SPATA6L: variants seen among roughly 807,000 people sequenced by gnomAD.
SPATA6L encodes spermatogenesis associated 6 like.
A neutral mutation model predicts 49.2 loss-of-function variants in SPATA6L; 68 were observed. That is an observed-to-expected ratio of 1.38 (90% CI 1.14 to 1.69). The LOEUF (loss-of-function observed/expected upper bound fraction) is 1.69. SPATA6L is among the 40% of genes most tolerant of loss of function. The pLI is 0.00. For synonymous variants in SPATA6L, 198 were observed against 165.7 expected, an observed-to-expected ratio of 1.19 and a Z score of -1.50; for missense variants, 668 against 464.3, an observed-to-expected ratio of 1.44 and a Z score of -4.03.
chr9:4,657,899 G>C (rs1457784952), intron 2 of SPATA6L, among the ~76,000 whole-genome samples: 1 of 152,054 alleles, frequency 6.6e-6, no homozygotes, highest in Admixed American at 6.6e-5. Flanking sequence ...GCTTCAGTTT[G>C]CTTACCTAGG....
chr9:4,629,765 G>GTATATATA lies in SPATA6L; in HGVS notation c.352-598_352-597insTATATATA, dbSNP rs1451733833. Reference sequence around the variant, plus strand: ...TATTGTGTTTTATATATGTGTGTGTGTGTGTATATATATATATATATATAT... The same window carrying GTATATATA: ...TATTGTGTTTTATATATGTGTGTGTGTATATATATGTGTATATATATATATATATATAT... On this transcript the variant is annotated intron_variant, in intron 4 of 11. Transcript: ENST00000682582. 6.6e-5 allele frequency among the ~76,000 whole-genome samples: 6 copies of GTATATATA among 91,422 alleles called. No individual in the cohort carries two copies. The East Asian group carries it at 2.3e-3, about 36-fold the overall frequency. The allele number at this position is 91,422 out of a possible 152,430, so 60.0% of individuals were successfully genotyped here.
Position 4,600,337 on chromosome 9 carries a change from TAAAC to T in SPATA6L, c.*470_*473del, listed in dbSNP as rs1428841518. Among the ~76,000 whole-genome samples, 1 of 152,060 alleles carries T rather than the reference TAAAC, an allele frequency of 6.6e-6. No homozygotes were observed. The highest frequency in any genetic ancestry group is 1.5e-5 in the Non-Finnish European group (1 of 68,000). On this transcript the variant is annotated 3_prime_UTR_variant, in exon 12 of 12. Coordinates refer to ENST00000682582, the MANE Select transcript of SPATA6L (RefSeq NM_001353486.2). ...GTAAATCAAGCCTAACACTAAGAAA[TAAAC>T]AAACAACAACAAAAACGGATCTACC...
intron 9 of SPATA6L, among the ~76,000 whole-genome samples, chr9:4,606,140 A>C (rs1431712095): frequency 2.0e-5 from 3 of 151,964 alleles, no homozygotes; most frequent in South Asian, 2.1e-4. Flanking sequence ...CCTGGCTCGG[A>C]GGGTCCTACG....
At chr9:4,606,718 A>G (rs1051565180) in intron 9 of SPATA6L, among the ~76,000 whole-genome samples, 46 of 141,854 alleles carry the variant, frequency 3.2e-4, no homozygotes, top group Non-Finnish European at 6.2e-4. Context: ...AAAACTGGAA[A>G]CTCTAAAAAG....
intron 3 of SPATA6L, among the ~76,000 whole-genome samples, chr9:4,643,897 T>TTCAGGAGGCTGAGGCAGGAGAA (rs1834629810): frequency 6.6e-6 from 1 of 151,916 alleles, no homozygotes; most frequent in Non-Finnish European, 1.5e-5. Context: ...ATTCCAGCTA[T>TTCAGGAGGCTGAGGCAGGAGAA]TCAGGAGGCT....
chr9:4,594,998 A>C (rs1822151528), downstream of SPATA6L, among the ~76,000 whole-genome samples: 1 of 152,164 alleles, frequency 6.6e-6, no homozygotes, highest in South Asian at 2.1e-4. Flanking sequence ...CAAAAAGAAA[A>C]GTCCCTAAAG....
chr9:4,594,241 G>A (rs1822089101), downstream of SPATA6L, among the ~76,000 whole-genome samples: 1 of 151,936 alleles, frequency 6.6e-6, no homozygotes, highest in African/African-American at 2.4e-5. Context: ...TCGGAGTCTC[G>A]CTCTGTCACC....
At chr9:4,627,732 C>T (rs1830612345) in intron 5 of SPATA6L, 2 of 1,289,116 alleles carry the variant, frequency 1.6e-6, no homozygotes, top group Non-Finnish European at 2.0e-6. Context: ...ACATGGATGC[C>T]CTAAGACGCT....
At chr9:4,647,828 C>T (rs1003648546) in intron 3 of SPATA6L, among the ~76,000 whole-genome samples, 2 of 109,066 alleles carry the variant, frequency 1.8e-5, no homozygotes, top group South Asian at 2.8e-4. Flanking sequence ...CAAGTGAAAA[C>T]ATTTTAGTTT....
chr9:4,633,234 G>T, intron 4 of SPATA6L: 2 of 157,298 alleles, frequency 1.3e-5, no homozygotes, highest in South Asian at 3.7e-4. Context: ...AGAGTATCTT[G>T]ACCCATGGCC....
intron 1 of SPATA6L, chr9:4,665,123 C>T (rs999884306): frequency 1.2e-5 from 2 of 167,108 alleles, no homozygotes; most frequent in Non-Finnish European, 2.9e-5. Context: ...TTTTCTGGCT[C>T]TTAAAGCATA....
At chr9:4,644,244 G>C (rs1272339385) in intron 3 of SPATA6L, among the ~76,000 whole-genome samples, 1 of 138,962 alleles carries the variant, frequency 7.2e-6, no homozygotes, top group African/African-American at 2.7e-5. Context: ...GTGCATGCCT[G>C]TAGTTCCAGC....
At chr9:4,629,310 T>G (rs1830985366) in intron 4 of SPATA6L, 142 bp from the exon 5 acceptor site, 1 of 570,032 alleles carries the variant, frequency 1.8e-6, no homozygotes, top group African/African-American at 1.9e-5. Context: ...ATATATGTAA[T>G]AAGAATAGCT....
chr9:4,622,597 A>G lies in SPATA6L; in HGVS notation c.670-87T>C, dbSNP rs1220767540. 20 of 891,090 alleles carry G rather than the reference A, an allele frequency of 2.2e-5. No individual in the cohort carries two copies. The East Asian group carries it at 4.9e-4, about 22-fold the overall frequency. 55.2% of individuals were successfully genotyped at this position (891,090 alleles called of 1,614,324 possible). A position where few individuals can be genotyped will look rare whatever the true frequency, so the allele number is the denominator to read the frequency against. On this transcript the variant is annotated intron_variant, in intron 6 of 11. Transcript: ENST00000682582. ...TTACCGGAATGCCTGTCTCCCCCTC[A>G]ATCACTGATTACACGGGTTGGAAAA...
chr9:4,631,772 T>C (rs1831605622), intron 4 of SPATA6L, among the ~76,000 whole-genome samples: 1 of 152,182 alleles, frequency 6.6e-6, no homozygotes, highest in Non-Finnish European at 1.5e-5. Flanking sequence ...GAAATAAATA[T>C]GAGAAAATTA....
intron 11 of SPATA6L, among the ~76,000 whole-genome samples, chr9:4,601,029 A>T (rs759910151): frequency 6.6e-6 from 1 of 152,246 alleles, no homozygotes; most frequent in Non-Finnish European, 1.5e-5. Flanking sequence ...CGTCTTTGTA[A>T]AATATCAGGA....
intron 5 of SPATA6L, chr9:4,628,738 A>T (rs1260704846): frequency 5.9e-6 from 1 of 169,972 alleles, no homozygotes; most frequent in African/African-American, 2.5e-5. Flanking sequence ...TAAAATTTTT[A>T]AATTTTTAAA....
chr9:4,660,261 A>G (rs1839301634), intron 2 of SPATA6L, among the ~76,000 whole-genome samples: 2 of 152,242 alleles, frequency 1.3e-5, no homozygotes, highest in Admixed American at 6.5e-5. Context: ...GAAAGGGAGG[A>G]AATTTTTGCA....
chr9:4,653,838 G>A (rs1219865809), intron 3 of SPATA6L, among the ~76,000 whole-genome samples: 1 of 152,220 alleles, frequency 6.6e-6, no homozygotes, highest in Non-Finnish European at 1.5e-5. Context: ...TTCAGAGGCT[G>A]AGGTGGGAAG....
Sources: allele counts gnomAD v4.1 joint callset (sites outside exome capture counted in the v4.1 genomes callset), GRCh38; gene constraint gnomAD v4.1.1; transcripts MANE v1.5; gene names NCBI Gene and HGNC (gene_info 2026-07-23, HGNC 2026-07-21).